The following EIF4E variants were observed in gnomAD, a reference collection of about 807,000 sequenced individuals.
EIF4E encodes the protein eukaryotic translation initiation factor 4E.
For missense variants in EIF4E, 113 were observed against 265.6 expected (o/e 0.43, Z 3.99); for synonymous variants, 71 against 88.5 (o/e 0.80, Z 1.11).
intron 1 of EIF4E, among the ~76,000 whole-genome samples, chr4:98,921,227 A>C (rs544920659): frequency 1.3e-5 from 2 of 152,172 alleles, no homozygotes; most frequent in African/African-American, 4.8e-5. Flanking sequence ...TACATTTCAC[A>C]TATCAATTAA....
intron 1 of EIF4E, among the ~76,000 whole-genome samples, chr4:98,921,421 T>A (rs757080242): frequency 6.6e-6 from 1 of 151,300 alleles, no homozygotes; most frequent in Non-Finnish European, 1.5e-5. Flanking sequence ...AGTAATGGAG[T>A]GCAATGTCAT....
chr4:98,897,583 A>G (rs752483351), intron 2 of EIF4E, among the ~76,000 whole-genome samples: 2 of 152,102 alleles, frequency 1.3e-5, no homozygotes, highest in African/African-American at 4.8e-5. Flanking sequence ...AAAAAAAAGG[A>G]ATGACTTTGA....
intron 2 of EIF4E, among the ~76,000 whole-genome samples, chr4:98,892,681 CA>C (rs72248242): frequency 0.062 from 7,119 of 113,944 alleles, 330 homozygotes; most frequent in African/African-American, 0.16. Context: ...AACTCTGTCT[CA>C]AAAAAAAAAA....
At chr4:98,900,791 T>G (rs981130231) in intron 2 of EIF4E, among the ~76,000 whole-genome samples, 4 of 152,216 alleles carry the variant, frequency 2.6e-5, no homozygotes, top group African/African-American at 9.7e-5. Flanking sequence ...TATAATGAAC[T>G]AATACTCAAT....
At chr4:98,918,453 T>C (rs1410323675) in intron 1 of EIF4E, among the ~76,000 whole-genome samples, 3 of 151,972 alleles carry the variant, frequency 2.0e-5, no homozygotes, top group Non-Finnish European at 4.4e-5. Flanking sequence ...AACATTTATT[T>C]TGAAAAAGGG....
chr4:98,886,558 T>A, intron 5 of EIF4E: 1 of 409,360 alleles, frequency 2.4e-6, no homozygotes, highest in Non-Finnish European at 4.9e-6. Context: ...TGGAAAAAAA[T>A]TAGAAAATTA....
At chr4:98,892,154 C>T (rs1230090442) in intron 2 of EIF4E, among the ~76,000 whole-genome samples, 1 of 151,084 alleles carries the variant, frequency 6.6e-6, no homozygotes, top group Non-Finnish European at 1.5e-5. Context: ...CGAGACCAGC[C>T]TGATCAACAT....
intron 2 of EIF4E, among the ~76,000 whole-genome samples, chr4:98,898,119 G>T (rs1041139142): frequency 6.6e-6 from 1 of 151,966 alleles, no homozygotes; most frequent in African/African-American, 2.4e-5. Context: ...CGAAAAAGGG[G>T]GGGGAAAAAA....
chr4:98,900,523 C>T (rs1724601619), intron 2 of EIF4E, among the ~76,000 whole-genome samples: 1 of 151,578 alleles, frequency 6.6e-6, no homozygotes, highest in South Asian at 2.1e-4. Flanking sequence ...GACTTGTGGA[C>T]TCTTTTAAGT....
chr4:98,925,844 T>C (rs559633133), intron 1 of EIF4E: 3 of 152,010 alleles, frequency 2.0e-5, no homozygotes, highest in East Asian at 3.9e-4. Flanking sequence ...GTATCTCAAG[T>C]ACAATCCAAT....
At chr4:98,882,037 T>C (rs1218546259) in intron 6 of EIF4E, among the ~76,000 whole-genome samples, 2 of 152,000 alleles carry the variant, frequency 1.3e-5, no homozygotes, top group Admixed American at 1.3e-4. Flanking sequence ...AAAGTGAACA[T>C]GAGATAAAGC....
chr4:98,912,209 G>A (rs369190808), intron 1 of EIF4E, among the ~76,000 whole-genome samples: 9 of 144,428 alleles, frequency 6.2e-5, no homozygotes, highest in Admixed American at 1.4e-4. Flanking sequence ...CCAAGATCGC[G>A]CCACTGCACT....
intron 2 of EIF4E, among the ~76,000 whole-genome samples, chr4:98,892,955 A>G (rs1724217940): frequency 6.6e-6 from 1 of 152,150 alleles, no homozygotes; most frequent in Non-Finnish European, 1.5e-5. Flanking sequence ...ATATATACCT[A>G]ACATATTATA....
chr4:98,917,083 A>AACACACACACACACAC (rs751653561), intron 1 of EIF4E, among the ~76,000 whole-genome samples: 1 of 102,928 alleles, frequency 9.7e-6, no homozygotes, highest in Non-Finnish European at 1.8e-5. Context: ...ACCTTTTCTA[A>AACACACACACACACAC]ACACACACAC....
chr4:98,909,527 C>T (rs1725015365), intron 1 of EIF4E: 1 of 616,336 alleles, frequency 1.6e-6, no homozygotes. Context: ...ACACCCTGTA[C>T]ATAAAAGTTT....
At chr4:98,915,571 T>C (rs1382126231) in intron 1 of EIF4E, among the ~76,000 whole-genome samples, 1 of 149,760 alleles carries the variant, frequency 6.7e-6, no homozygotes, top group African/African-American at 2.5e-5. Context: ...GACAGAGTCT[T>C]GCTCTGTCAC....
intron 2 of EIF4E, among the ~76,000 whole-genome samples, chr4:98,892,549 G>A (rs534909769): frequency 1.3e-5 from 2 of 151,876 alleles, no homozygotes; most frequent in African/African-American, 4.8e-5. Context: ...AGGCCTGGTG[G>A]TATGTGCCTG....
At chr4:98,918,098 C>G (rs748509360) in intron 1 of EIF4E, among the ~76,000 whole-genome samples, 40 of 150,636 alleles carry the variant, frequency 2.7e-4, no homozygotes, top group Non-Finnish European at 4.9e-4. Context: ...TGTGGTGGCT[C>G]ACGCCTGTAA....
intron 1 of EIF4E, chr4:98,926,185 T>C (rs2110230095): frequency 6.6e-6 from 1 of 151,934 alleles, no homozygotes; most frequent in South Asian, 2.1e-4. Flanking sequence ...AAAATCCAAC[T>C]ATTTAAAACT....
Sources: allele counts gnomAD v4.1 joint callset (sites outside exome capture counted in the v4.1 genomes callset), GRCh38; gene constraint gnomAD v4.1.1; transcripts MANE v1.5; gene names NCBI Gene and HGNC (gene_info 2026-07-23, HGNC 2026-07-21).